Variants in LINGO3 observed in about 807,000 individuals in gnomAD.
LINGO3 encodes leucine-rich repeat and immunoglobulin-like domain-containing nogo receptor-interacting protein 3.
For synonymous variants in LINGO3, 427 were observed against 444.2 expected, an observed-to-expected ratio of 0.96 and a Z score of 0.49; for missense variants, 750 against 867.7, an observed-to-expected ratio of 0.86 and a Z score of 1.70.
the LINGO3 span, among the ~76,000 whole-genome samples, chr19:2,306,229 A>G: frequency 1.3e-5 from 2 of 152,206 alleles, no homozygotes; most frequent in Non-Finnish European, 2.9e-5. Flanking sequence ...TCACTGCACA[A>G]CTTAGCTGCA....
chr19:2,289,890 TG>T, exon 1 of LINGO3: 2 of 920,502 alleles, frequency 2.2e-6, no homozygotes, highest in Non-Finnish European at 3.2e-6. Flanking sequence ...AAGTTCTGCC[TG>T]GGGAGCGCCG....
At chr19:2,303,025 C>A in the LINGO3 span, among the ~76,000 whole-genome samples, 14 of 152,242 alleles carry the variant, frequency 9.2e-5, no homozygotes, top group African/African-American at 3.1e-4. Flanking sequence ...TACAAATGTT[C>A]CATTCAACGC....
At chr19:2,299,409 C>A in the LINGO3 span, among the ~76,000 whole-genome samples, 5 of 152,086 alleles carry the variant, frequency 3.3e-5, no homozygotes, top group African/African-American at 1.2e-4. Context: ...CCTCCCTGGT[C>A]TCTTATTTTT....
At chr19:2,295,071 T>C (rs1179009999), upstream of LINGO3, among the ~76,000 whole-genome samples, 2 of 152,064 alleles carry the variant, frequency 1.3e-5, no homozygotes, top group Admixed American at 6.5e-5. Context: ...CTACGCGAAT[T>C]TAATCCCAGA....
chr19:2,298,035 C>T, the LINGO3 span, among the ~76,000 whole-genome samples: 1 of 146,398 alleles, frequency 6.8e-6, no homozygotes, highest in Non-Finnish European at 1.5e-5. Flanking sequence ...ACTACAGGCG[C>T]CCGCCACCAC....
At chr19:2,296,436 C>T (rs977042004), upstream of LINGO3, among the ~76,000 whole-genome samples, 16 of 151,906 alleles carry the variant, frequency 1.1e-4, no homozygotes, top group East Asian at 3.9e-4. Context: ...GCTGAGATCG[C>T]GCCGCTGCAC....
At chr19:2,287,527 G>C (rs2145082112), downstream of LINGO3, among the ~76,000 whole-genome samples, 1 of 152,340 alleles carries the variant, frequency 6.6e-6, no homozygotes, top group Non-Finnish European at 1.5e-5. This position sits in a 1 kb window ranked among gnomAD's most constrained non-coding sequence, Gnocchi z 4.5. Flanking sequence ...GTACATCGTG[G>C]TGCTGGCCTG....
At chr19:2,302,445 G>A in the LINGO3 span, among the ~76,000 whole-genome samples, 2 of 152,178 alleles carry the variant, frequency 1.3e-5, no homozygotes, top group African/African-American at 4.8e-5. Context: ...TAAACGTCAC[G>A]GAGGTCAGAA....
chr19:2,298,235 T>A, the LINGO3 span, among the ~76,000 whole-genome samples: 1 of 152,044 alleles, frequency 6.6e-6, no homozygotes, highest in Non-Finnish European at 1.5e-5. Flanking sequence ...TTTATTTATT[T>A]ATTTATTTAT....
exon 1 of LINGO3, chr19:2,291,018 G>A (rs2025514212): frequency 6.2e-7 from 1 of 1,611,210 alleles, no homozygotes; most frequent in Non-Finnish European, 8.5e-7. Context: ...TGGTGTGGGT[G>A]ACCGACAGCG....
chr19:2,291,156 G>A (rs774692147), exon 1 of LINGO3: 3 of 1,607,264 alleles, frequency 1.9e-6, no homozygotes, highest in Non-Finnish European at 2.5e-6. Flanking sequence ...CGATGGCCAG[G>A]TGGCGCAGCC....
In LINGO3 at chr19:2,290,141, AGCAGAAGAGGACCAC is replaced by A; in HGVS notation, c.1621_1635del (p.Val541_Cys545del). ...CGGCTCCACACGAACAGCAGCACGA[AGCAGAAGAGGACCAC>A]GCCCAGGAAGGTGATGCAGCCCATG... On this transcript the variant is annotated inframe_deletion, in exon 1 of 1. Coordinates refer to ENST00000585527, the Ensembl canonical transcript of LINGO3. The surrounding 1 kb of genome is among the most constrained non-coding windows in gnomAD (Gnocchi z 6.0). 6.2e-7 allele frequency: 1 copy of A among 1,612,178 alleles called. No individual in the cohort carries two copies. Among genetic ancestry groups the A allele is most frequent in the Non-Finnish European group, 8.5e-7 (1 of 1,179,532 alleles).
Position 2,290,443 on chromosome 19 carries a change from T to C in LINGO3, c.1334A>G (p.Gln445Arg), listed in dbSNP as rs1220239865. The C allele has an allele frequency of 1.4e-5, 20 of 1,450,996 alleles. No homozygotes were observed. In the Middle Eastern group the frequency reaches 1.1e-3, roughly 80 times the overall value. The allele number at this position is 1,450,996 out of a possible 1,614,324, so 89.9% of individuals were successfully genotyped here. The change falls in exon 1 of 1, where the codon CAG becomes CGG. Residue 445 changes from glutamine (Q) to arginine (R), a missense_variant. Transcript: ENST00000585527. The surrounding 1 kb of genome is among the most constrained non-coding windows in gnomAD (Gnocchi z 6.0). ...GCTGGTGGCCGTCACCGGCCGGTGC[T>C]GGGGGGTCACCCAGGCCACGGTGGG...
downstream of LINGO3, among the ~76,000 whole-genome samples, chr19:2,288,989 G>T (rs541872680): frequency 2.0e-5 from 3 of 151,224 alleles, no homozygotes; most frequent in South Asian, 6.3e-4. This position sits in a 1 kb window ranked among gnomAD's most constrained non-coding sequence, Gnocchi z 6.5. Flanking sequence ...GGTGTGAGCT[G>T]TGTGTGTCCC....
chr19:2,291,536 CCAGCGCGGG>C (rs1049124319), exon 1 of LINGO3: 4 of 1,603,604 alleles, frequency 2.5e-6, no homozygotes, highest in African/African-American at 2.7e-5. Context: ...TCCAGCTCCT[CCAGCGCGGG>C]CAGCGCGGCC....
the LINGO3 span, among the ~76,000 whole-genome samples, chr19:2,303,358 G>T: frequency 2.8e-3 from 20 of 7,196 alleles, no homozygotes; most frequent in African/African-American, 5.4e-3. Context: ...GGGAGCTGTG[G>T]GGGGGGGGGT....
At chr19:2,294,014 C>T (rs528404764), upstream of LINGO3, among the ~76,000 whole-genome samples, 69 of 152,012 alleles carry the variant, frequency 4.5e-4, no homozygotes, top group Non-Finnish European at 4.9e-4. This position sits in a 1 kb window ranked among gnomAD's most constrained non-coding sequence, Gnocchi z 4.3. Context: ...CGTGCCACTG[C>T]GCTCTAGCCA....
At chr19:2,307,927 G>A in the LINGO3 span, among the ~76,000 whole-genome samples, 4 of 151,980 alleles carry the variant, frequency 2.6e-5, no homozygotes, top group Admixed American at 2.0e-4. Flanking sequence ...AAGGAGCGAT[G>A]AGCCCGGGAG....
chr19:2,308,128 G>GAGCCGACACGAGC, the LINGO3 span, among the ~76,000 whole-genome samples: 13 of 140,084 alleles, frequency 9.3e-5, no homozygotes, highest in Admixed American at 7.8e-4. Context: ...GGGCCGCCCG[G>GAGCCGACACGAGC]AGCCGACACG....
Sources: allele counts gnomAD v4.1 joint callset (sites outside exome capture counted in the v4.1 genomes callset), GRCh38; gene constraint gnomAD v4.1.1; non-coding constraint Gnocchi (gnomAD v3.1); transcripts MANE v1.5; gene names NCBI Gene and HGNC (gene_info 2026-07-23, HGNC 2026-07-21).